The following ZNF518A variants were observed in gnomAD, a reference collection of about 807,000 sequenced individuals.
ZNF518A encodes the protein zinc finger protein 518A.
In ZNF518A, 47 loss-of-function variants were observed where a neutral mutation model predicts 102.7. The ratio of observed to expected loss-of-function variants is 0.46; its 90% CI spans 0.36 to 0.58. The LOEUF (loss-of-function observed/expected upper bound fraction) is 0.58, where lower values mean the gene tolerates loss of function less well. Among genes scored for constraint, ZNF518A ranks in the 20% least tolerant of loss-of-function variants. The pLI is 0.00. For synonymous variants in ZNF518A, 652 were observed against 594.6 expected, an observed-to-expected ratio of 1.10 and a Z score of -1.40; for missense variants, 1,793 against 1,699.8, an observed-to-expected ratio of 1.05 and a Z score of -0.96.
intron 1 of ZNF518A, among the ~76,000 whole-genome samples, chr10:96,169,861 T>G (rs1591272022): frequency 1.3e-5 from 2 of 152,388 alleles, no homozygotes; most frequent in East Asian, 3.8e-4. Context: ...TTTTCTGAAC[T>G]GATTTTGTAA....
chr10:96,133,951 C>T (rs782591715), intron 3 of ZNF518A, among the ~76,000 whole-genome samples: 135 of 152,294 alleles, frequency 8.9e-4, no homozygotes, highest in Non-Finnish European at 1.6e-3. Context: ...TGTTTGACTT[C>T]CTACCACGAG....
intron 3 of ZNF518A, among the ~76,000 whole-genome samples, chr10:96,139,454 A>T (rs931266367): frequency 1.3e-5 from 2 of 152,108 alleles, no homozygotes; most frequent in Non-Finnish European, 2.9e-5. Context: ...AGAGGGCTCT[A>T]TTTTGTCATG....
At chr10:96,164,116 A>T (rs1014205182), downstream of ZNF518A, among the ~76,000 whole-genome samples, 4 of 152,248 alleles carry the variant, frequency 2.6e-5, no homozygotes, top group African/African-American at 9.6e-5. Flanking sequence ...AAGGACTTAG[A>T]TATTCTTTCA....
intron 1 of ZNF518A, among the ~76,000 whole-genome samples, chr10:96,186,483 C>T (rs1006273202): frequency 5.3e-5 from 8 of 152,102 alleles, no homozygotes; most frequent in Non-Finnish European, 8.8e-5. Context: ...CTGCAACCTT[C>T]GCCTCCTGGG....
chr10:96,150,193 G>T lies in ZNF518A; in HGVS notation c.-301-5133G>T, dbSNP rs2082364922. Among the ~76,000 whole-genome samples, 6 of 151,626 alleles carry T rather than the reference G, an allele frequency of 4.0e-5. No individual in the cohort carries two copies. In the South Asian group the frequency reaches 1.3e-3, roughly 32 times the overall value. On this transcript the variant is annotated intron_variant, in intron 3 of 5. Coordinates refer to ENST00000316045, the MANE Select transcript of ZNF518A (RefSeq NM_001330736.2). ...CAAAAAAAAAAAAAAAATTAACCAG[G>T]CGTGGTGGTGGGCTCCTGTAGTCCC...
chr10:96,167,581 G>C (rs1184582388), downstream of ZNF518A, among the ~76,000 whole-genome samples: 2 of 152,204 alleles, frequency 1.3e-5, no homozygotes, highest in African/African-American at 4.8e-5. Context: ...TGAAAATTCT[G>C]GAGTTGAAAA....
intron 3 of ZNF518A, among the ~76,000 whole-genome samples, chr10:96,145,897 A>G (rs1174346129): frequency 2.0e-5 from 3 of 152,240 alleles, no homozygotes; most frequent in African/African-American, 4.8e-5. Flanking sequence ...TGCTTGTGCT[A>G]TCATAAGGTA....
At chr10:96,204,686 T>C, downstream of ZNF518A, 1 of 1,505,392 alleles carries the variant, frequency 6.6e-7, no homozygotes, top group Non-Finnish European at 9.2e-7. Context: ...CCCAGCAACA[T>C]CAGCTGAGAA....
At chr10:96,176,947 G>T (rs782702335) in intron 1 of ZNF518A, among the ~76,000 whole-genome samples, 9 of 151,876 alleles carry the variant, frequency 5.9e-5, no homozygotes, top group Non-Finnish European at 8.8e-5. Flanking sequence ...GTGTAGTTGT[G>T]CATGCCTGTA....
At chr10:96,197,575 G>A (rs587671568) in intron 1 of ZNF518A, among the ~76,000 whole-genome samples, 1 of 152,156 alleles carries the variant, frequency 6.6e-6, no homozygotes, top group East Asian at 1.9e-4. Flanking sequence ...CTTGAACTGG[G>A]AACCATAGCC....
At chr10:96,187,975 A>G (rs112967946) in intron 1 of ZNF518A, among the ~76,000 whole-genome samples, 16 of 152,328 alleles carry the variant, frequency 1.1e-4, no homozygotes, top group African/African-American at 3.4e-4. Context: ...CCTCCTGAGT[A>G]GTAGCTGAAA....
chr10:96,154,511 A>C (rs587710405), intron 3 of ZNF518A, among the ~76,000 whole-genome samples: 3 of 145,704 alleles, frequency 2.1e-5, no homozygotes, highest in Non-Finnish European at 4.5e-5. Context: ...TTAAAACCTG[A>C]CTGTTGGATT....
intron 1 of ZNF518A, chr10:96,190,189 G>A: frequency 1.3e-6 from 1 of 791,390 alleles, no homozygotes; most frequent in Non-Finnish European, 2.2e-6. Context: ...GGCCTCAGGG[G>A]GCTCACGTCC....
At chr10:96,193,049 C>T (rs926215428) in intron 1 of ZNF518A, among the ~76,000 whole-genome samples, 2 of 152,082 alleles carry the variant, frequency 1.3e-5, no homozygotes, top group African/African-American at 4.8e-5. Flanking sequence ...GTAAAATATT[C>T]AGAATATTGG....
chr10:96,189,408 G>A, intron 1 of ZNF518A: 1 of 595,458 alleles, frequency 1.7e-6, no homozygotes, highest in Non-Finnish European at 3.2e-6. Context: ...CTCCTGGTCA[G>A]TTGTCCGGAA....
At position 96,163,262 on chromosome 10, in the gene ZNF518A, T is replaced by C. The variant is rs1468269234; in HGVS notation, c.*2488T>C. ...TTATTCTGAGGGAGGCAGACCTGCT[T>C]AGAGTTTCATTATTGCCATTGCAGA... On this transcript the variant is annotated 3_prime_UTR_variant, in exon 6 of 6. Transcript: ENST00000316045. The C allele has an allele frequency of 6.0e-6, 1 of 166,790 alleles. No individual in the cohort carries two copies. Among genetic ancestry groups the C allele is most frequent in the African/African-American group, 2.4e-5 (1 of 41,474 alleles). 10.3% of individuals were successfully genotyped at this position (166,790 alleles called of 1,614,324 possible).
At chr10:96,144,749 T>C (rs1481030196) in intron 3 of ZNF518A, among the ~76,000 whole-genome samples, 2 of 152,062 alleles carry the variant, frequency 1.3e-5, no homozygotes, top group Non-Finnish European at 2.9e-5. Flanking sequence ...GATGAAATAG[T>C]GGTAAGTACT....
Position 96,130,326 on chromosome 10 carries a change from C to A in ZNF518A, c.-879C>A, listed in dbSNP as rs1388951309. Reference sequence around the variant, plus strand: ...TGCCGCAAAGTTTTTCTGGAGAAGTCGGGGTTTTTTTGCCGAGCGCTTTTG... The same window carrying A: ...TGCCGCAAAGTTTTTCTGGAGAAGTAGGGGTTTTTTTGCCGAGCGCTTTTG... On this transcript the variant is annotated 5_prime_UTR_variant, in exon 1 of 6. Coordinates refer to ENST00000316045, the MANE Select transcript of ZNF518A (RefSeq NM_001330736.2). Among the ~76,000 whole-genome samples, 1 of 152,210 alleles carries A rather than the reference C, an allele frequency of 6.6e-6. No individual in the cohort carries two copies. The highest frequency in any genetic ancestry group is 6.5e-5 in the Admixed American group (1 of 15,284).
rs1554884417 is a variant in ZNF518A, at chr10:96,158,274, G to A, written c.1952G>A (p.Arg651His). 27 of 1,613,332 alleles carry A rather than the reference G, an allele frequency of 1.7e-5. No individual in the cohort carries two copies. Among genetic ancestry groups the A allele is most frequent in the Non-Finnish European group, 2.2e-5 (26 of 1,179,616 alleles). The change falls in exon 6 of 6, where the codon CGT becomes CAT. Residue 651 changes from arginine to histidine, a missense_variant. Physicochemically the swap from Arg to His is conservative, Grantham distance 29 (BLOSUM62 0). This residue lies in a region of ZNF518A where 1,741 missense variants were observed against 1,622.6 expected (regional missense o/e 1.07). Transcript: ENST00000316045. ...NYSKVNNSNKRRRFSGTAVYE... is the reference protein window; with the variant it reads ...NYSKVNNSNKHRRFSGTAVYE... Reference sequence around the variant, plus strand: ...TCAAAAGTGAATAATTCTAATAAACGTCGTAGGTTTTCAGGAACAGCAGTG... The same window carrying A: ...TCAAAAGTGAATAATTCTAATAAACATCGTAGGTTTTCAGGAACAGCAGTG...
Sources: gnomAD v4.1 joint callset for allele counts (sites outside exome capture counted in the v4.1 genomes callset) on GRCh38, gnomAD v4.1.1 for gene constraint, gnomAD v4.1.1 regional missense constraint, MANE v1.5 for transcripts, NCBI Gene and HGNC (gene_info 2026-07-23, HGNC 2026-07-21) for gene names.